Variants in SPAG17 observed in about 807,000 individuals in gnomAD.
The protein encoded by SPAG17 is sperm-associated antigen 17.
In SPAG17, 169 loss-of-function variants were observed where a neutral mutation model predicts 273.6. That is an observed-to-expected ratio of 0.62 (90% CI 0.55 to 0.70). The LOEUF (loss-of-function observed/expected upper bound fraction) is 0.70, where lower values mean the gene tolerates loss of function less well. Among genes scored for constraint, SPAG17 ranks in the 30% least tolerant of loss-of-function variants. The pLI is 0.00. For synonymous variants in SPAG17, 825 were observed against 873.2 expected, an observed-to-expected ratio of 0.94 and a Z score of 0.97; for missense variants, 2,557 against 2,627.8, an observed-to-expected ratio of 0.97 and a Z score of 0.59.
At chr1:118,047,744 C>T (rs1329760683) in intron 20 of SPAG17, among the ~76,000 whole-genome samples, 1 of 152,148 alleles carries the variant, frequency 6.6e-6, no homozygotes, top group Non-Finnish European at 1.5e-5. Flanking sequence ...CAGCCCCAGA[C>T]TCCAGGCTGG....
At chr1:117,958,013 C>A (rs1652472096) in intron 48 of SPAG17, among the ~76,000 whole-genome samples, 1 of 152,176 alleles carries the variant, frequency 6.6e-6, no homozygotes, top group Non-Finnish European at 1.5e-5. Flanking sequence ...AGAATATATG[C>A]ACAAAGGCTT....
chr1:118,028,095 G>A (rs186137811), intron 26 of SPAG17, among the ~76,000 whole-genome samples, 179 bp downstream of exon 26: 38 of 152,210 alleles, frequency 2.5e-4, no homozygotes, highest in African/African-American at 8.9e-4. Context: ...TTGTATTTTT[G>A]ACATATATAC....
At chr1:118,074,343 G>C (rs192745024) in intron 16 of SPAG17, among the ~76,000 whole-genome samples, 196 bp downstream of exon 16, 9 of 152,120 alleles carry the variant, frequency 5.9e-5, no homozygotes, top group African/African-American at 1.9e-4. Context: ...GAAGTTATGC[G>C]CAAGCCGCCT....
At chr1:118,076,952 G>C (rs1654151445) in intron 15 of SPAG17, among the ~76,000 whole-genome samples, 1 of 151,994 alleles carries the variant, frequency 6.6e-6, no homozygotes, top group Non-Finnish European at 1.5e-5. Context: ...AAACCTCGCG[G>C]TTATCAACTC....
intron 1 of SPAG17, among the ~76,000 whole-genome samples, chr1:118,162,258 C>T (rs1351701077): frequency 6.6e-6 from 1 of 151,212 alleles, no homozygotes. Flanking sequence ...CTTACAATAG[C>T]TCTTTCAATG....
At chr1:118,055,665 GATTAA>G (rs77730607) in intron 19 of SPAG17, 63 bp downstream of exon 19, 70,973 of 1,288,916 alleles carry the variant, frequency 0.055, 2,419 homozygotes, top group Non-Finnish European at 0.065. Flanking sequence ...TCACAGTCTT[GATTAA>G]ATTAAGAGAG....
intron 24 of SPAG17, among the ~76,000 whole-genome samples, chr1:118,035,754 T>C (rs997154650): frequency 1.3e-5 from 2 of 152,240 alleles, no homozygotes; most frequent in Admixed American, 1.3e-4. Flanking sequence ...TTTGATTTTA[T>C]AATGCTTTAA....
At position 118,015,954 on chromosome 1, in the gene SPAG17, G is replaced by A. The variant is rs772072808; in HGVS notation, c.4287+11C>T. 3 of 1,612,198 alleles carry A rather than the reference G, an allele frequency of 1.9e-6. No homozygotes were observed. Among genetic ancestry groups the A allele is most frequent in the African/African-American group, 2.7e-5 (2 of 74,856 alleles). ...TTAGAAAATTTTGCAATAAACAATAGTTTGTCATACCGTTCCATTGACAGG... is the reference window on the plus strand; with the variant it reads ...TTAGAAAATTTTGCAATAAACAATAATTTGTCATACCGTTCCATTGACAGG... On this transcript the variant is annotated intron_variant, in intron 29 of 48. Transcript: ENST00000336338.
In SPAG17 at chr1:117,994,435, T is replaced by C. The variant is rs779646249; in HGVS notation, c.5149A>G (p.Arg1717Gly). ...ACTGAGGGAAATGTTTCCCATGACC[T>C]TGACCGGAGATTAGGAGGGACAATT... ...DTIVPPNLRS[R>G]SWETFPSVEK... Residue 1717 changes from arginine to glycine, a missense_variant, in exon 35 of 49, where the codon AGG (arginine) becomes GGG (glycine). Transcript: ENST00000336338. 2.5e-6 allele frequency: 4 copies of C among 1,612,772 alleles called. No homozygotes were observed. Among genetic ancestry groups the C allele is most frequent in the Admixed American group, 3.3e-5 (2 of 59,910 alleles).
At chr1:118,148,145 A>T (rs571096090) in intron 3 of SPAG17, among the ~76,000 whole-genome samples, 1 of 150,814 alleles carries the variant, frequency 6.6e-6, no homozygotes, top group East Asian at 1.9e-4. Context: ...CACAGTGCAG[A>T]GTTTCCTTTG....
At chr1:118,155,943 T>A (rs1659625218) in intron 1 of SPAG17, among the ~76,000 whole-genome samples, 1 of 152,220 alleles carries the variant, frequency 6.6e-6, no homozygotes, top group Non-Finnish European at 1.5e-5. Context: ...TAGAACTGGC[T>A]GCTACAATCA....
At chr1:118,030,549 C>T (rs1004854200) in intron 25 of SPAG17, among the ~76,000 whole-genome samples, 3 of 151,924 alleles carry the variant, frequency 2.0e-5, no homozygotes, top group African/African-American at 4.8e-5. Context: ...TGTTTTAAGC[C>T]CTGCATGCAT....
At chr1:117,987,974 T>C (rs1656621511) in intron 39 of SPAG17, 93 bp from the exon 40 acceptor site, 2 of 1,483,844 alleles carry the variant, frequency 1.3e-6, no homozygotes, top group Non-Finnish European at 1.9e-6. Context: ...TGATGAATTA[T>C]TAATAGTATG....
At chr1:117,986,419 T>C (rs1346533262) in intron 40 of SPAG17, among the ~76,000 whole-genome samples, 1 of 152,228 alleles carries the variant, frequency 6.6e-6, no homozygotes, top group African/African-American at 2.4e-5. Flanking sequence ...TCTCTTTCCT[T>C]GACCCAGTTC....
intron 1 of SPAG17, among the ~76,000 whole-genome samples, chr1:118,176,527 T>C (rs750715402): frequency 6.6e-6 from 1 of 152,190 alleles, no homozygotes; most frequent in African/African-American, 2.4e-5. Context: ...ATTATAAATA[T>C]GCATTCAATA....
intron 4 of SPAG17, among the ~76,000 whole-genome samples, chr1:118,109,871 A>G (rs1656655614): frequency 6.6e-6 from 1 of 152,184 alleles, no homozygotes. Context: ...AAACAATATT[A>G]AATATAGTGG....
At chr1:118,054,137 G>C in intron 19 of SPAG17, 44 bp from the exon 20 acceptor site, 1 of 1,335,942 alleles carries the variant, frequency 7.5e-7, no homozygotes, top group Non-Finnish European at 1.1e-6. Context: ...TCTTAAATAA[G>C]ATATCATAGA....
chr1:118,071,796 A>T (rs1653611246), intron 17 of SPAG17, among the ~76,000 whole-genome samples: 2 of 152,216 alleles, frequency 1.3e-5, no homozygotes, highest in Non-Finnish European at 2.9e-5. Context: ...ATTGATGGAA[A>T]CTAAAAGAAA....
At chr1:118,061,378 C>T (rs6666968) in intron 18 of SPAG17, among the ~76,000 whole-genome samples, 15,473 of 152,140 alleles carry the variant, frequency 0.1, 2,155 homozygotes, top group African/African-American at 0.32. Flanking sequence ...GAAGGAAATC[C>T]TGCCATTTGT....
Sources: allele counts gnomAD v4.1 joint callset (sites outside exome capture counted in the v4.1 genomes callset), GRCh38; gene constraint gnomAD v4.1.1; transcripts MANE v1.5; gene names NCBI Gene and HGNC (gene_info 2026-07-23, HGNC 2026-07-21).